DOCK11: variants seen among roughly 807,000 people sequenced by gnomAD.
The protein encoded by DOCK11 is dedicator of cytokinesis 11, also known as dedicator of cytokinesis protein 11.
A neutral mutation model predicts 169.1 loss-of-function variants in DOCK11; 70 were observed. That is an observed-to-expected ratio of 0.41 (90% CI 0.34 to 0.51). The LOEUF (loss-of-function observed/expected upper bound fraction) is 0.51. Among genes scored for constraint, DOCK11 ranks in the 20% least tolerant of loss-of-function variants. The pLI is 0.10. For synonymous variants in DOCK11, 529 were observed against 541.3 expected (o/e 0.98, Z 0.32); for missense variants, 1,166 against 1,538.8 (o/e 0.76, Z 4.05).
At chrX:118,672,686 T>C (rs369428454) in intron 46 of DOCK11, among the ~76,000 whole-genome samples, 369 of 112,914 alleles carry the variant, frequency 3.3e-3, no homozygotes, top group East Asian at 0.015. Context: ...GCGCCCGCCT[T>C]GGCCTCCCAA....
chrX:118,583,449 A>C (rs1341028220), intron 14 of DOCK11, among the ~76,000 whole-genome samples: 2 of 110,875 alleles, frequency 1.8e-5, no homozygotes, highest in Non-Finnish European at 3.8e-5. Flanking sequence ...ATATATACAC[A>C]CATATATATA....
chrX:118,533,514 T>C (rs751915807), intron 1 of DOCK11, among the ~76,000 whole-genome samples: 2 of 112,017 alleles, frequency 1.8e-5, no homozygotes, highest in Non-Finnish European at 3.8e-5. Flanking sequence ...AGCAAGTTAA[T>C]GAGATGGGTA....
At chrX:118,572,935 C>T (rs778723618) in intron 11 of DOCK11, among the ~76,000 whole-genome samples, 8 of 111,721 alleles carry the variant, frequency 7.2e-5, no homozygotes, top group East Asian at 2.8e-4. Flanking sequence ...GAAATTGGTT[C>T]GTAGCAATGA....
chrX:118,603,329 T>A (rs2014399391), intron 23 of DOCK11, among the ~76,000 whole-genome samples: 1 of 112,244 alleles, frequency 8.9e-6, no homozygotes, highest in Non-Finnish European at 1.9e-5. Context: ...TTGTTCGTGG[T>A]AGTTTGTTTT....
chrX:118,619,584 TG>T (rs1370120583), intron 31 of DOCK11, among the ~76,000 whole-genome samples: 1 of 108,602 alleles, frequency 9.2e-6, no homozygotes, highest in African/African-American at 3.3e-5. Flanking sequence ...AACTGCTTCA[TG>T]ATTAAGAATT....
At chrX:118,546,281 G>A (rs2012281460) in intron 6 of DOCK11, among the ~76,000 whole-genome samples, 165 bp downstream of exon 6, 1 of 101,677 alleles carries the variant, frequency 9.8e-6, no homozygotes, top group Non-Finnish European at 2.0e-5. Context: ...AAAACATCAG[G>A]ATAAATTTAG....
intron 41 of DOCK11, among the ~76,000 whole-genome samples, chrX:118,650,322 C>A (rs2015916954): frequency 8.9e-6 from 1 of 112,109 alleles, no homozygotes; most frequent in Admixed American, 9.5e-5. Context: ...TTCAACATCT[C>A]CATACTTTTG....
intron 44 of DOCK11, among the ~76,000 whole-genome samples, chrX:118,657,966 T>A (rs1292066662): frequency 9.1e-6 from 1 of 109,911 alleles, no homozygotes; most frequent in East Asian, 2.8e-4. Flanking sequence ...CAAAACTATT[T>A]TTTTTAAAAA....
chrX:118,591,531 A>G (rs2013990652), intron 19 of DOCK11, among the ~76,000 whole-genome samples: 1 of 108,265 alleles, frequency 9.2e-6, no homozygotes, highest in Non-Finnish European at 1.9e-5. Context: ...AGTAACCCAC[A>G]TTATTTTTAG....
intron 1 of DOCK11, among the ~76,000 whole-genome samples, chrX:118,499,220 A>T (rs1019331293): frequency 4.5e-5 from 5 of 112,134 alleles, no homozygotes; most frequent in African/African-American, 1.6e-4. Flanking sequence ...GCAGGGGAAC[A>T]AAGGCATTTT....
chrX:118,507,599 C>A (rs1227422782), intron 1 of DOCK11, among the ~76,000 whole-genome samples: 1 of 111,992 alleles, frequency 8.9e-6, no homozygotes, highest in East Asian at 2.8e-4. Flanking sequence ...ATCCATCCGC[C>A]TGGGCCTCCC....
intron 45 of DOCK11, among the ~76,000 whole-genome samples, chrX:118,663,259 A>C (rs139148934): frequency 0.019 from 2,095 of 112,429 alleles, 22 homozygotes; most frequent in Middle Eastern, 0.032. Context: ...TAGGAGCTTT[A>C]AATAATTAAA....
chrX:118,668,366 T>C (rs1009983755), intron 45 of DOCK11, among the ~76,000 whole-genome samples: 4 of 111,865 alleles, frequency 3.6e-5, no homozygotes, highest in African/African-American at 1.3e-4. Context: ...TAATTTTTCT[T>C]TTTTATTCAG....
intron 6 of DOCK11, among the ~76,000 whole-genome samples, chrX:118,550,905 G>A (rs1320419168): frequency 8.9e-6 from 1 of 111,737 alleles, no homozygotes; most frequent in African/African-American, 3.3e-5. Flanking sequence ...TGTTTGAAGT[G>A]AAGAATACTA....
Position 118,533,888 on chromosome X carries a change from C to T in DOCK11, c.103-8837C>T, listed in dbSNP as rs572767073. Among the ~76,000 whole-genome samples the T allele has an allele frequency of 4.5e-5, 5 of 112,324 alleles. No individual in the cohort carries two copies. In the Middle Eastern group the frequency reaches 0.018, roughly 414 times the overall value. Reference sequence around the variant, plus strand: ...GCATAGAATGAGCACAGTCTAATTTCTCCTTGCAGGAATGAATTATTTGCA... The same window carrying T: ...GCATAGAATGAGCACAGTCTAATTTTTCCTTGCAGGAATGAATTATTTGCA... On this transcript the variant is annotated intron_variant, in intron 1 of 52. Coordinates refer to ENST00000276202, the MANE Select transcript of DOCK11 (RefSeq NM_144658.4).
At chrX:118,561,077 T>C (rs959739081) in intron 6 of DOCK11, among the ~76,000 whole-genome samples, 5 of 112,187 alleles carry the variant, frequency 4.5e-5, no homozygotes, top group Non-Finnish European at 9.4e-5. Context: ...TGCAATTAAA[T>C]GGGAAAAGAA....
chrX:118,640,678 G>A (rs904491160), intron 38 of DOCK11, among the ~76,000 whole-genome samples: 8 of 112,480 alleles, frequency 7.1e-5, no homozygotes, highest in Non-Finnish European at 1.3e-4. Context: ...TGTCTCCAAA[G>A]AGGTGGGCAC....
chrX:118,640,753 C>T (rs1437488923), intron 38 of DOCK11, among the ~76,000 whole-genome samples: 2 of 111,168 alleles, frequency 1.8e-5, no homozygotes, highest in Non-Finnish European at 3.8e-5. Context: ...TTGATTAACC[C>T]AGACTATATT....
intron 14 of DOCK11, among the ~76,000 whole-genome samples, chrX:118,582,122 T>C (rs2013667786): frequency 9.0e-6 from 1 of 110,872 alleles, no homozygotes; most frequent in South Asian, 3.8e-4. Context: ...AGCAAGACTC[T>C]GTCTCGGGGA....
Sources: gnomAD v4.1 joint callset for allele counts (sites outside exome capture counted in the v4.1 genomes callset) on GRCh38, gnomAD v4.1.1 for gene constraint, MANE v1.5 for transcripts, NCBI Gene and HGNC (gene_info 2026-07-23, HGNC 2026-07-21) for gene names.